Variants in SATB2 observed in about 807,000 individuals in gnomAD.
SATB2 encodes SATB homeobox 2, also known as DNA-binding protein SATB2.
In SATB2, 1 loss-of-function variant was observed where a neutral mutation model predicts 73.4. The observed-to-expected ratio is 0.01, with a 90% CI of 0.00 to 0.06. The LOEUF (loss-of-function observed/expected upper bound fraction) is 0.06. Ranked by LOEUF, SATB2 falls within the 10% of genes least tolerant of loss-of-function variation. The pLI, the probability that SATB2 is intolerant of heterozygous loss-of-function variation, is 1.00. For synonymous variants in SATB2, 397 were observed against 367.0 expected (o/e 1.08, Z -0.93); for missense variants, 459 against 945.8 (o/e 0.49, Z 6.75).
At chr2:199,384,964 G>C (rs1044592156) in intron 3 of SATB2, among the ~76,000 whole-genome samples, 1 of 152,102 alleles carries the variant, frequency 6.6e-6, no homozygotes, top group Non-Finnish European at 1.5e-5. Flanking sequence ...TTAGCTTTCA[G>C]TCATGTGTCT....
At chr2:199,448,979 G>A (rs570933296) in intron 2 of SATB2, among the ~76,000 whole-genome samples, 1 of 152,226 alleles carries the variant, frequency 6.6e-6, no homozygotes, top group Non-Finnish European at 1.5e-5. Flanking sequence ...CCTGTCCTAT[G>A]TGTCATAATC....
chr2:199,413,271 T>C (rs551683555), intron 3 of SATB2, among the ~76,000 whole-genome samples: 1 of 152,348 alleles, frequency 6.6e-6, no homozygotes, highest in Non-Finnish European at 1.5e-5. Flanking sequence ...CCCAATTTTA[T>C]AGATAAGAAA....
chr2:199,406,576 T>A (rs1690635060), intron 3 of SATB2, among the ~76,000 whole-genome samples: 1 of 152,154 alleles, frequency 6.6e-6, no homozygotes, highest in Admixed American at 6.5e-5. Context: ...ATAGTACTCA[T>A]CATGGAAGGC....
At chr2:199,291,976 C>T (rs1692878517) in intron 10 of SATB2, among the ~76,000 whole-genome samples, 1 of 151,784 alleles carries the variant, frequency 6.6e-6, no homozygotes, top group Non-Finnish European at 1.5e-5. Flanking sequence ...TAAGGGTACC[C>T]TCAAGATTCC....
chr2:199,462,700 C>T (rs1241564147), upstream of SATB2, among the ~76,000 whole-genome samples: 1 of 152,144 alleles, frequency 6.6e-6, no homozygotes, highest in Non-Finnish European at 1.5e-5. This position sits in a 1 kb window ranked among gnomAD's most constrained non-coding sequence, Gnocchi z 5.9. Context: ...CGTCGGCCGC[C>T]GGAGGTAGAG....
At chr2:199,303,755 A>C (rs1559151317) in intron 10 of SATB2, among the ~76,000 whole-genome samples, 1 of 152,192 alleles carries the variant, frequency 6.6e-6, no homozygotes, top group Non-Finnish European at 1.5e-5. Flanking sequence ...TGTGGCTTAG[A>C]AAATGTTGAA....
intron 2 of SATB2, among the ~76,000 whole-genome samples, chr2:199,436,863 G>A (rs1286106345): frequency 6.7e-6 from 1 of 148,166 alleles, no homozygotes; most frequent in African/African-American, 2.5e-5. Flanking sequence ...GAGAGAGAGA[G>A]ATTTGTCCAT....
At chr2:199,367,529 C>T (rs1275178449) in intron 6 of SATB2, among the ~76,000 whole-genome samples, 1 of 152,166 alleles carries the variant, frequency 6.6e-6, no homozygotes, top group Non-Finnish European at 1.5e-5. Context: ...CCAACAAGCA[C>T]TACTTTGACA....
intron 2 of SATB2, among the ~76,000 whole-genome samples, chr2:199,444,005 T>C (rs1281549923): frequency 2.0e-5 from 3 of 152,168 alleles, no homozygotes; most frequent in African/African-American, 4.8e-5. Context: ...GATGGAATAC[T>C]TCCCAGACAA....
At chr2:199,368,374 T>C (rs1689348974) in intron 6 of SATB2, among the ~76,000 whole-genome samples, 1 of 152,156 alleles carries the variant, frequency 6.6e-6, no homozygotes, top group African/African-American at 2.4e-5. Context: ...CAGGTATCAC[T>C]TATGAAAACT....
At chr2:199,323,741 G>T in intron 9 of SATB2, 62 bp downstream of exon 9, 1 of 1,456,750 alleles carries the variant, frequency 6.9e-7, no homozygotes, top group Non-Finnish European at 9.6e-7. Flanking sequence ...TATTTTTATT[G>T]GTGGAGGAAG....
intron 9 of SATB2, among the ~76,000 whole-genome samples, chr2:199,309,970 T>C (rs1687550192): frequency 6.6e-6 from 1 of 152,204 alleles, no homozygotes; most frequent in Non-Finnish European, 1.5e-5. Context: ...TATAATATCA[T>C]AAGCCATTGT....
At chr2:199,341,869 A>G (rs905381616) in intron 7 of SATB2, among the ~76,000 whole-genome samples, 1 of 152,218 alleles carries the variant, frequency 6.6e-6, no homozygotes, top group Admixed American at 6.5e-5. Flanking sequence ...TGGACTTCCA[A>G]GGGAAACTGC....
rs571507347 is a variant in SATB2, at chr2:199,423,200, G to A, written c.346+10138C>T. Reference sequence around the variant, plus strand: ...CCTACCTAACATTTTATTACATATTGAGTTGCTTATTTTCCATCTCCCCTA... The same window carrying A: ...CCTACCTAACATTTTATTACATATTAAGTTGCTTATTTTCCATCTCCCCTA... On this transcript the variant is annotated intron_variant, in intron 3 of 10. Transcript: ENST00000417098. Among the ~76,000 whole-genome samples the A allele has an allele frequency of 1.3e-4, 20 of 152,180 alleles. No homozygotes were observed. The South Asian group carries it at 4.1e-3, about 32-fold the overall frequency.
chr2:199,332,351 C>A (rs985818408), intron 7 of SATB2, among the ~76,000 whole-genome samples: 3 of 152,032 alleles, frequency 2.0e-5, no homozygotes, highest in Non-Finnish European at 2.9e-5. Flanking sequence ...CAAAATAATT[C>A]TTGGGTTACA....
chr2:199,349,197 T>G, intron 6 of SATB2, 24 bp from the exon 7 acceptor site: 1 of 1,517,498 alleles, frequency 6.6e-7, no homozygotes, highest in South Asian at 1.2e-5. Flanking sequence ...AAAGTGATAA[T>G]TAATCATTAT....
In SATB2 at chr2:199,463,417, T is replaced by C. The variant is rs375789751; in HGVS notation, c.-141+1419A>G. Among the ~76,000 whole-genome samples the C allele has an allele frequency of 1.3e-5, 2 of 152,086 alleles. No homozygotes were observed. The highest frequency in any genetic ancestry group is 4.8e-5 in the African/African-American group (2 of 41,432). Reference sequence around the variant, plus strand: ...CGCTCCCGACCCGCCGCGTTTTCCTTAGGGAAACACCGAGTGAGGCAGAGG... The same window carrying C: ...CGCTCCCGACCCGCCGCGTTTTCCTCAGGGAAACACCGAGTGAGGCAGAGG... On this transcript the variant is annotated intron_variant, in intron 1 of 11. Coordinates refer to the SATB2 transcript ENST00000260926. This position sits in a 1 kb window ranked among gnomAD's most constrained non-coding sequence, Gnocchi z 6.4.
upstream of SATB2, chr2:199,459,721 C>T (rs747483544): frequency 6.5e-6 from 1 of 152,716 alleles, no homozygotes; most frequent in Non-Finnish European, 1.5e-5. The surrounding 1 kb of genome is among the most constrained non-coding windows in gnomAD (Gnocchi z 4.2). Flanking sequence ...ACGGCGGCGC[C>T]AGAGGGCCAA....
At chr2:199,332,957 C>G (rs16831331) in intron 7 of SATB2, among the ~76,000 whole-genome samples, 2,545 of 152,128 alleles carry the variant, frequency 0.017, 71 homozygotes, top group African/African-American at 0.057. Flanking sequence ...GAATGCTAAG[C>G]CTGACATGCC....
Sources: gnomAD v4.1 joint callset for allele counts (sites outside exome capture counted in the v4.1 genomes callset) on GRCh38, gnomAD v4.1.1 for gene constraint, Gnocchi (gnomAD v3.1) non-coding constraint, MANE v1.5 for transcripts, NCBI Gene and HGNC (gene_info 2026-07-23, HGNC 2026-07-21) for gene names.